The following ELAPOR2 variants were observed in gnomAD, a reference collection of about 807,000 sequenced individuals.
ELAPOR2 encodes endosome/lysosome-associated apoptosis and autophagy regulator family member 2.
A neutral mutation model predicts 120.7 loss-of-function variants in ELAPOR2; 89 were observed. The observed-to-expected ratio is 0.74, with a 90% CI of 0.62 to 0.88. The LOEUF is 0.88. Among genes scored for constraint, ELAPOR2 ranks in the 40% least tolerant of loss-of-function variants. ELAPOR2 has a pLI of 0.00. For synonymous variants in ELAPOR2, 444 were observed against 444.9 expected, an observed-to-expected ratio of 1.00 and a Z score of 0.03; for missense variants, 1,134 against 1,251.6, an observed-to-expected ratio of 0.91 and a Z score of 1.42.
intron 18 of ELAPOR2, among the ~76,000 whole-genome samples, chr7:86,900,288 G>A (rs986486716): frequency 2.6e-5 from 4 of 152,016 alleles, no homozygotes; most frequent in Non-Finnish European, 5.9e-5. Context: ...AAAGATCTGG[G>A]TTACAATTCT....
At chr7:87,046,409 A>T (rs564379323) in intron 1 of ELAPOR2, among the ~76,000 whole-genome samples, 74 of 152,368 alleles carry the variant, frequency 4.9e-4, no homozygotes, top group Non-Finnish European at 8.8e-4. Flanking sequence ...TCCCTATCAA[A>T]GTACCTACGA....
At chr7:86,905,196 GAGAGAGAGAA>G (rs1035434604) in intron 18 of ELAPOR2, among the ~76,000 whole-genome samples, 1 of 150,458 alleles carries the variant, frequency 6.6e-6, no homozygotes, top group Non-Finnish European at 1.5e-5. Flanking sequence ...GAGAGAGAGA[GAGAGAGAGAA>G]AGAGAGAGAG....
At chr7:87,020,921 C>T (rs960139484) in intron 1 of ELAPOR2, among the ~76,000 whole-genome samples, 1 of 152,078 alleles carries the variant, frequency 6.6e-6, no homozygotes, top group African/African-American at 2.4e-5. Context: ...GTTTCTCTTG[C>T]ATGTGCTACT....
At chr7:86,936,712 A>C (rs1419336167) in intron 8 of ELAPOR2, among the ~76,000 whole-genome samples, 1 of 152,118 alleles carries the variant, frequency 6.6e-6, no homozygotes, top group Non-Finnish European at 1.5e-5. Context: ...GTGTCTATGC[A>C]TATGTGCGTA....
chr7:87,003,095 T>A (rs193229385), intron 1 of ELAPOR2, among the ~76,000 whole-genome samples: 5 of 152,240 alleles, frequency 3.3e-5, no homozygotes, highest in Admixed American at 2.6e-4. Flanking sequence ...AGGTCTGCCA[T>A]CTCTTAGCAA....
intron 1 of ELAPOR2, among the ~76,000 whole-genome samples, chr7:86,978,823 T>C (rs559337454): frequency 6.6e-6 from 1 of 152,242 alleles, no homozygotes; most frequent in Non-Finnish European, 1.5e-5. Context: ...AAGAAAACTC[T>C]TAATTATTGT....
chr7:87,007,278 C>T (rs1440046682), intron 1 of ELAPOR2, among the ~76,000 whole-genome samples: 1 of 152,240 alleles, frequency 6.6e-6, no homozygotes, highest in South Asian at 2.1e-4. Flanking sequence ...ATTCTGAAAC[C>T]AATTTCCATG....
intron 2 of ELAPOR2, among the ~76,000 whole-genome samples, chr7:86,961,047 T>C (rs753811986): frequency 7.2e-5 from 11 of 152,172 alleles, no homozygotes; most frequent in Non-Finnish European, 1.2e-4. Context: ...CGCTATACTC[T>C]GTATGAGAAA....
chr7:87,048,678 C>T (rs1795019144), intron 1 of ELAPOR2, among the ~76,000 whole-genome samples: 1 of 152,156 alleles, frequency 6.6e-6, no homozygotes. Flanking sequence ...GGACAGATAA[C>T]TCATTCTCCA....
chr7:86,927,128 G>A (rs1790109613), intron 8 of ELAPOR2, among the ~76,000 whole-genome samples: 1 of 151,842 alleles, frequency 6.6e-6, no homozygotes, highest in Non-Finnish European at 1.5e-5. Flanking sequence ...CTAAGCTATA[G>A]GTGGCCTTCC....
At chr7:87,044,695 G>C (rs549783322) in intron 1 of ELAPOR2, among the ~76,000 whole-genome samples, 3 of 151,860 alleles carry the variant, frequency 2.0e-5, no homozygotes, top group African/African-American at 4.9e-5. Context: ...ACATAGGCAC[G>C]GGCAAGGACT....
chr7:87,030,994 T>G (rs1242640756), intron 1 of ELAPOR2, among the ~76,000 whole-genome samples: 1 of 152,060 alleles, frequency 6.6e-6, no homozygotes, highest in Non-Finnish European at 1.5e-5. Flanking sequence ...TGAAAGGGGT[T>G]TCCCCTTATA....
rs1172973955 is a variant in ELAPOR2, at chr7:87,059,566, C to T, written c.-53G>A. 2 of 1,150,326 alleles carry T rather than the reference C, an allele frequency of 1.7e-6. No homozygotes were observed. The highest frequency in any genetic ancestry group is 4.3e-5 in the East Asian group (1 of 23,268). 71.3% of individuals were successfully genotyped at this position (1,150,326 alleles called of 1,614,324 possible). A position where few individuals can be genotyped will look rare whatever the true frequency, so the allele number is the denominator to read the frequency against. ...GCGGCAAGGCAGCCTTCCCGGGGTG[C>T]GGCGGCAGCTCCGGCTCCCGGGCCG... On this transcript the variant is annotated 5_prime_UTR_variant, in exon 1 of 22. Transcript: ENST00000450689.
intron 3 of ELAPOR2, among the ~76,000 whole-genome samples, chr7:86,946,763 T>C (rs1791025945): frequency 6.6e-6 from 1 of 152,188 alleles, no homozygotes; most frequent in Non-Finnish European, 1.5e-5. Flanking sequence ...TCGATTTCTT[T>C]TATGCATAAA....
At chr7:86,993,008 C>T (rs866029328) in intron 1 of ELAPOR2, among the ~76,000 whole-genome samples, 19 of 151,804 alleles carry the variant, frequency 1.3e-4, no homozygotes, top group African/African-American at 4.1e-4. Flanking sequence ...GAGGCCGAGG[C>T]GGGTGGATCA....
At position 86,877,843 on chromosome 7, in the gene ELAPOR2, A is replaced by C. The variant is rs1055769263; in HGVS notation, c.*2628T>G. The C allele has an allele frequency of 6.6e-6, 1 of 152,232 alleles. No individual in the cohort carries two copies. The highest frequency in any genetic ancestry group is 6.5e-5 in the Admixed American group (1 of 15,280). 9.4% of individuals were successfully genotyped at this position (152,232 alleles called of 1,614,324 possible). On this transcript the variant is annotated 3_prime_UTR_variant, in exon 22 of 22. Coordinates refer to ENST00000450689, the MANE Select transcript of ELAPOR2 (RefSeq NM_001142749.3). ...CTATGAAATATTTTTAATCCTAGAA[A>C]GGATGTGATTACTAGTAACTAAAGA...
At chr7:86,891,963 G>T (rs1202955008) in intron 20 of ELAPOR2, 74 bp from the exon 21 acceptor site, 1 of 958,036 alleles carries the variant, frequency 1.0e-6, no homozygotes, top group East Asian at 2.7e-5. Context: ...ATTTTAGGTG[G>T]TAATATACCA....
At chr7:86,930,294 G>T (rs755778756) in intron 8 of ELAPOR2, among the ~76,000 whole-genome samples, 39 of 151,878 alleles carry the variant, frequency 2.6e-4, no homozygotes, top group Non-Finnish European at 4.4e-4. Context: ...GTTAAAAACA[G>T]ACTATTAGAA....
chr7:86,904,618 G>A (rs1283994065), intron 18 of ELAPOR2, among the ~76,000 whole-genome samples: 1 of 152,170 alleles, frequency 6.6e-6, no homozygotes, highest in Non-Finnish European at 1.5e-5. Flanking sequence ...AGACCAAATA[G>A]ACAGCTTGGT....
Sources: gnomAD v4.1 joint callset for allele counts (sites outside exome capture counted in the v4.1 genomes callset) on GRCh38, gnomAD v4.1.1 for gene constraint, MANE v1.5 for transcripts, NCBI Gene and HGNC (gene_info 2026-07-23, HGNC 2026-07-21) for gene names.